Variants in ZC3H12B observed in about 807,000 individuals in gnomAD.
ZC3H12B encodes zinc finger CCCH-type containing 12B, also known as probable ribonuclease ZC3H12B.
In ZC3H12B, 7 loss-of-function variants were observed where a neutral mutation model predicts 43.9. The ratio of observed to expected loss-of-function variants is 0.16; its 90% CI spans 0.09 to 0.30. ZC3H12B has a LOEUF of 0.30. ZC3H12B is among the 10% of genes least tolerant of loss of function. ZC3H12B has a pLI of 1.00. For missense variants in ZC3H12B, 475 were observed against 670.2 expected (o/e 0.71, Z 3.22); for synonymous variants, 222 against 241.7 (o/e 0.92, Z 0.76).
intron 2 of ZC3H12B, among the ~76,000 whole-genome samples, chrX:65,376,926 G>A (rs746739135): frequency 9.0e-5 from 10 of 110,655 alleles, no homozygotes; most frequent in Non-Finnish European, 1.5e-4. Flanking sequence ...ACTAAATAAG[G>A]CACCAGGAGC....
At chrX:65,349,599 A>G in the ZC3H12B span, among the ~76,000 whole-genome samples, 1 of 111,847 alleles carries the variant, frequency 8.9e-6, no homozygotes, top group East Asian at 2.8e-4. Context: ...AAGATCAACA[A>G]AATAGATAGC....
the ZC3H12B span, among the ~76,000 whole-genome samples, chrX:65,303,683 C>A: frequency 2.7e-5 from 3 of 112,196 alleles, no homozygotes; most frequent in African/African-American, 9.7e-5. Flanking sequence ...CTAGTCAGTA[C>A]AATCAAACGT....
the ZC3H12B span, among the ~76,000 whole-genome samples, chrX:65,202,087 TGTA>T: frequency 1.1e-5 from 1 of 94,118 alleles, no homozygotes; most frequent in Admixed American, 1.4e-4. Flanking sequence ...ATATAATATA[TGTA>T]ATATATATAT....
the ZC3H12B span, among the ~76,000 whole-genome samples, chrX:65,158,009 G>A: frequency 1.0e-5 from 1 of 100,352 alleles, no homozygotes; most frequent in Non-Finnish European, 2.0e-5. Context: ...ACCTATGAGT[G>A]AGAACATGCT....
chrX:65,195,191 C>T, the ZC3H12B span, among the ~76,000 whole-genome samples: 4 of 109,649 alleles, frequency 3.6e-5, no homozygotes, highest in South Asian at 1.6e-3. Context: ...GGGTTTACTT[C>T]TGCTATTTTG....
chrX:65,451,103 A>G (rs1256285730), intron 3 of ZC3H12B, among the ~76,000 whole-genome samples: 1 of 108,230 alleles, frequency 9.2e-6, no homozygotes, highest in East Asian at 2.9e-4. Flanking sequence ...GCATGCCACC[A>G]TGCCTGGCTA....
At chrX:65,390,027 C>A (rs890399113) in intron 2 of ZC3H12B, among the ~76,000 whole-genome samples, 3 of 112,123 alleles carry the variant, frequency 2.7e-5, no homozygotes, top group Non-Finnish European at 5.6e-5. Flanking sequence ...TAATGATAGA[C>A]TGGGTTAAGA....
At chrX:65,331,166 G>T in the ZC3H12B span, 5 of 231,006 alleles carry the variant, frequency 2.2e-5, no homozygotes, top group Non-Finnish European at 3.4e-5. Flanking sequence ...ATAAAAAAGG[G>T]GTCCAAGAGA....
At chrX:65,427,270 G>A (rs991778618) in intron 3 of ZC3H12B, among the ~76,000 whole-genome samples, 3 of 111,188 alleles carry the variant, frequency 2.7e-5, no homozygotes, top group African/African-American at 9.8e-5. Context: ...TCAGAAACTA[G>A]GATTGCAAAT....
At chrX:65,054,079 A>G in the ZC3H12B span, among the ~76,000 whole-genome samples, 22 of 111,051 alleles carry the variant, frequency 2.0e-4, no homozygotes, top group Admixed American at 4.8e-4. Flanking sequence ...TCTGATGGTA[A>G]TTTCTTTTGC....
intron 1 of ZC3H12B, among the ~76,000 whole-genome samples, 184 bp from the exon 7 acceptor site, chrX:65,496,948 C>CAAAAAAAAAAAAAAAAAAA (rs373400545): frequency 2.4e-5 from 1 of 40,847 alleles, no homozygotes; most frequent in Admixed American, 3.2e-4. Context: ...AAAGTGAGAC[C>CAAAAAAAAAAAAAAAAAAA]AAAAAAAAAA....
the ZC3H12B span, among the ~76,000 whole-genome samples, chrX:65,035,295 G>T: frequency 8.9e-6 from 1 of 112,104 alleles, no homozygotes; most frequent in Non-Finnish European, 1.9e-5. Context: ...GCACTCGCTC[G>T]GTTCTAGTGC....
the ZC3H12B span, among the ~76,000 whole-genome samples, chrX:65,289,652 T>C: frequency 1.8e-5 from 2 of 109,941 alleles, no homozygotes; most frequent in African/African-American, 6.6e-5. Context: ...GAGACATTGA[T>C]CCATGGAACA....
At chrX:65,309,837 G>A in the ZC3H12B span, among the ~76,000 whole-genome samples, 1 of 111,817 alleles carries the variant, frequency 8.9e-6, no homozygotes, top group East Asian at 2.8e-4. Context: ...ATACAAACCT[G>A]GTTCAACATA....
the ZC3H12B span, among the ~76,000 whole-genome samples, chrX:65,097,022 C>T: frequency 1.3e-4 from 14 of 111,355 alleles, 1 homozygote; most frequent in Admixed American, 1.3e-3. Flanking sequence ...AGCCATCCAA[C>T]CCAGATTTGG....
At chrX:65,425,029 G>A (rs1402065619) in intron 3 of ZC3H12B, among the ~76,000 whole-genome samples, 3 of 111,716 alleles carry the variant, frequency 2.7e-5, no homozygotes, top group African/African-American at 6.5e-5. Context: ...AATGGGAATA[G>A]CATTGACTCT....
chrX:65,390,006 C>A (rs750724063), intron 2 of ZC3H12B, among the ~76,000 whole-genome samples: 2 of 112,073 alleles, frequency 1.8e-5, no homozygotes, highest in Non-Finnish European at 3.8e-5. Context: ...TGGAACCAAC[C>A]CAGTGTCCAT....
At chrX:65,424,661 G>T (rs754614646) in intron 3 of ZC3H12B, among the ~76,000 whole-genome samples, 1 of 111,702 alleles carries the variant, frequency 9.0e-6, no homozygotes, top group East Asian at 2.8e-4. Flanking sequence ...TAAGGAGAGG[G>T]TCCTGTTTCA....
chrX:65,219,324 C>CA, the ZC3H12B span, among the ~76,000 whole-genome samples: 1 of 110,816 alleles, frequency 9.0e-6, no homozygotes, highest in East Asian at 2.8e-4. Context: ...ACCGAATTGC[C>CA]AAAAAAAGAA....
Sources: allele counts gnomAD v4.1 joint callset (sites outside exome capture counted in the v4.1 genomes callset), GRCh38; gene constraint gnomAD v4.1.1; transcripts MANE v1.5; gene names NCBI Gene and HGNC (gene_info 2026-07-23, HGNC 2026-07-21).